Variants in ORC1 observed in about 807,000 individuals in gnomAD.
ORC1 encodes origin recognition complex subunit 1.
Under a neutral mutation model 98.9 loss-of-function variants are expected in ORC1, and 61 were observed. The observed-to-expected ratio is 0.62, with a 90% CI of 0.50 to 0.76. The LOEUF is 0.76. Ranked by LOEUF, ORC1 falls within the 30% of genes least tolerant of loss-of-function variation. The pLI is 0.00. For missense variants in ORC1, 979 were observed against 1,072.2 expected (o/e 0.91, Z 1.21); for synonymous variants, 385 against 406.9 (o/e 0.95, Z 0.65).
intron 12 of ORC1, 102 bp from the exon 13 acceptor site, chr1:52,383,671 G>T: frequency 7.1e-7 from 1 of 1,410,010 alleles, no homozygotes; most frequent in Non-Finnish European, 1.0e-6. Flanking sequence ...TGTTTCCCAA[G>T]TCATAGCACC....
At chr1:52,403,871 C>T (rs1220760041) in intron 1 of ORC1, among the ~76,000 whole-genome samples, 1 of 152,166 alleles carries the variant, frequency 6.6e-6, no homozygotes, top group Admixed American at 6.5e-5. Flanking sequence ...CTCTGCTCCG[C>T]CTTCCCTGTA....
At chr1:52,387,563 T>G (rs576597010) in intron 8 of ORC1, among the ~76,000 whole-genome samples, 54 of 152,314 alleles carry the variant, frequency 3.5e-4, no homozygotes, top group Non-Finnish European at 6.0e-4. Flanking sequence ...GTTCAAGTGA[T>G]TCTCCCGCCT....
At position 52,401,421 on chromosome 1, in the gene ORC1, A is replaced by G; in HGVS notation, c.164T>C (p.Ile55Thr). ...CGGGTTTTCATCATCATCCCCTTCAATCAACACAAACTGTCCAATCTGGAT... is the reference window on the plus strand; with the variant it reads ...CGGGTTTTCATCATCATCCCCTTCAGTCAACACAAACTGTCCAATCTGGAT... ...IHIQIGQFVLIEGDDDENPYV... is the reference protein window; with the variant it reads ...IHIQIGQFVLTEGDDDENPYV... Residue 55 changes from isoleucine (I) to threonine (T), a missense_variant, in exon 3 of 17, where the codon ATT becomes ACT. Ile to Thr is a moderately conservative substitution (Grantham distance 89). Transcript: ENST00000371568. 6.2e-7 allele frequency: 1 copy of G among 1,613,892 alleles called. No homozygotes were observed. Among genetic ancestry groups the G allele is most frequent in the Non-Finnish European group, 8.5e-7 (1 of 1,179,956 alleles).
chr1:52,391,897 CA>C (rs1324525529), intron 6 of ORC1, among the ~76,000 whole-genome samples: 16 of 78,094 alleles, frequency 2.0e-4, no homozygotes, highest in Admixed American at 4.4e-4. Context: ...GACTCCCGCT[CA>C]AAAAAAAAAA....
intron 8 of ORC1, 90 bp from the exon 9 acceptor site, chr1:52,386,039 A>G: frequency 1.0e-6 from 1 of 967,054 alleles, no homozygotes; most frequent in East Asian, 2.6e-5. Context: ...CTGATCTGAT[A>G]AAAGGAAGAG....
chr1:52,385,747 G>T, intron 9 of ORC1, 105 bp downstream of exon 9: 1 of 779,076 alleles, frequency 1.3e-6, no homozygotes, highest in Non-Finnish European at 2.3e-6. Flanking sequence ...GACACACAGT[G>T]TATCTACCTT....
At chr1:52,402,916 T>C (rs1018200561) in intron 1 of ORC1, among the ~76,000 whole-genome samples, 6 of 152,128 alleles carry the variant, frequency 3.9e-5, no homozygotes, top group Non-Finnish European at 8.8e-5. Flanking sequence ...AAAAGAAAAG[T>C]AGATGTTATT....
At chr1:52,382,084 T>C (rs1327916449) in intron 13 of ORC1, among the ~76,000 whole-genome samples, 1 of 152,156 alleles carries the variant, frequency 6.6e-6, no homozygotes, top group Non-Finnish European at 1.5e-5. Flanking sequence ...GTTCACGTCA[T>C]TCTCCTGCCT....
At chr1:52,394,467 T>C (rs565872600) in intron 5 of ORC1, among the ~76,000 whole-genome samples, 2 of 152,270 alleles carry the variant, frequency 1.3e-5, no homozygotes, top group East Asian at 3.9e-4. Context: ...TAACAGATGA[T>C]ACACATGACT....
At chr1:52,396,645 C>T (rs1647413426) in intron 4 of ORC1, among the ~76,000 whole-genome samples, 1 of 152,034 alleles carries the variant, frequency 6.6e-6, no homozygotes, top group Non-Finnish European at 1.5e-5. Flanking sequence ...TATTGTTCAT[C>T]TCTCAATTCC....
Position 52,396,118 on chromosome 1 carries a change from A to G in ORC1, c.649T>C (p.Ser217Pro). The change falls in exon 5 of 17, where the codon TCC (serine) becomes CCC (proline). Residue 217 changes from serine (S) to proline (P), a missense_variant. Transcript: ENST00000371568. The stretch of plus-strand genomic sequence containing the variant: ...GGAGTTTGGCGAGATTTGGAGGCGG[A>G]GTGCCTTGATTCAATCCTTTTGGCC... Reference protein sequence around the residue: ...HVAKRIESRHSASKSRQTPTH... With the variant: ...HVAKRIESRHPASKSRQTPTH... 1.2e-6 allele frequency: 2 copies of G among 1,614,098 alleles called. No homozygotes were observed. The highest frequency in any genetic ancestry group is 1.7e-6 in the Non-Finnish European group (2 of 1,180,022).
intron 14 of ORC1, among the ~76,000 whole-genome samples, chr1:52,379,637 G>T (rs1221345667): frequency 6.6e-6 from 1 of 152,104 alleles, no homozygotes; most frequent in Non-Finnish European, 1.5e-5. Context: ...AACAAAGTGT[G>T]GCTCACCATC....
chr1:52,380,673 C>T (rs560341746), intron 14 of ORC1, among the ~76,000 whole-genome samples: 22 of 148,462 alleles, frequency 1.5e-4, no homozygotes, highest in Admixed American at 4.1e-4. Flanking sequence ...CCAGCCTGGG[C>T]GACCGAGTGA....
At chr1:52,397,270 A>G (rs1647447988) in intron 4 of ORC1, among the ~76,000 whole-genome samples, 1 of 152,150 alleles carries the variant, frequency 6.6e-6, no homozygotes, top group South Asian at 2.1e-4. Context: ...GCTCATTAGC[A>G]CCTGATTTAT....
At chr1:52,383,774 A>G in intron 12 of ORC1, 56 bp downstream of exon 12, 1 of 1,468,966 alleles carries the variant, frequency 6.8e-7, no homozygotes, top group Non-Finnish European at 9.5e-7. Flanking sequence ...CCCATCCAGC[A>G]CTTGCTCCTG....
chr1:52,373,285 A>T lies in ORC1; in HGVS notation c.2482T>A (p.Ser828Thr). The T allele has an allele frequency of 1.9e-6, 3 of 1,614,208 alleles. No homozygotes were observed. The highest frequency in any genetic ancestry group is 2.5e-6 in the Non-Finnish European group (3 of 1,180,028). ...GGCTCCACAAGCAGGAGGCGACAGG[A>T]GCCCAGGTGAGAACACACGGCCATG... ...ETMAVCSHLG[S>T]CRLLLVEPSR... The change falls in exon 17 of 17, where the codon TCC becomes ACC. Residue 828 changes from serine to threonine, a missense_variant. By Grantham distance (58) the Ser-to-Thr change is moderately conservative. Transcript: ENST00000371568.
chr1:52,407,738 TG>T (rs1260411894), upstream of ORC1, among the ~76,000 whole-genome samples: 2 of 152,060 alleles, frequency 1.3e-5, no homozygotes, highest in Non-Finnish European at 2.9e-5. Context: ...CTGGCCAACA[TG>T]GGGAAACCCC....
intron 14 of ORC1, among the ~76,000 whole-genome samples, chr1:52,377,703 C>CAAAAAAAAAAA (rs58266239): frequency 1.0e-4 from 6 of 58,772 alleles, no homozygotes; most frequent in African/African-American, 2.2e-4. Context: ...CCCCTAGAAG[C>CAAAAAAAAAAA]AAAAAAAAAA....
rs1026941164 is a variant in ORC1 at position 52,375,572 on chromosome 1, G to A, written c.2161C>T (p.Arg721Trp). ...KVAALSGDAR[R>W]CLDICRRATE... ...GCACGCCTGCAGATGTCCAGGCACC[G>A]TCGTGCATCTCCAGACAGTGCTGCT... Residue 721 changes from arginine (R) to tryptophan (W), a missense_variant, in exon 15 of 17, where the codon CGG becomes TGG. By Grantham distance (101) the Arg-to-Trp change is moderately radical (BLOSUM62 -3). Coordinates refer to ENST00000371568, the MANE Select transcript of ORC1 (RefSeq NM_004153.4). 2.5e-6 allele frequency: 4 copies of A among 1,614,086 alleles called. No individual in the cohort carries two copies. Among genetic ancestry groups the A allele is most frequent in the Non-Finnish European group, 3.4e-6 (4 of 1,180,032 alleles).
Sources: gnomAD v4.1 joint callset for allele counts (sites outside exome capture counted in the v4.1 genomes callset) on GRCh38, gnomAD v4.1.1 for gene constraint, MANE v1.5 for transcripts, NCBI Gene and HGNC (gene_info 2026-07-23, HGNC 2026-07-21) for gene names.